The following ABCC8 variants were observed in gnomAD, a reference collection of about 807,000 sequenced individuals.
ABCC8 encodes the protein ATP binding cassette subfamily C member 8, also known as ATP-binding cassette sub-family C member 8.
A neutral mutation model predicts 188.0 loss-of-function variants in ABCC8; 137 were observed. That is an observed-to-expected ratio of 0.73 (90% CI 0.63 to 0.84). The LOEUF is 0.84. Among genes scored for constraint, ABCC8 ranks in the 40% least tolerant of loss-of-function variants. ABCC8 has a pLI of 0.00. For missense variants in ABCC8, 1,750 were observed against 2,072.7 expected (o/e 0.84, Z 3.02); for synonymous variants, 797 against 846.5 (o/e 0.94, Z 1.01).
At chr11:17,434,025 C>T (rs200486663) in intron 10 of ABCC8, among the ~76,000 whole-genome samples, 46 of 152,304 alleles carry the variant, frequency 3.0e-4, no homozygotes, top group East Asian at 9.7e-4. Flanking sequence ...GCAGCCATTA[C>T]TGGCTGAGGA....
chr11:17,416,702 T>C (rs1955092565), intron 17 of ABCC8, among the ~76,000 whole-genome samples: 2 of 152,210 alleles, frequency 1.3e-5, no homozygotes, highest in South Asian at 4.1e-4. Context: ...GGCATCTGTT[T>C]GGTACTTTGG....
chr11:17,421,284 A>G (rs1322002167), intron 16 of ABCC8, among the ~76,000 whole-genome samples: 2 of 152,196 alleles, frequency 1.3e-5, no homozygotes, highest in African/African-American at 4.8e-5. Flanking sequence ...TAATTATAAT[A>G]CCATGTGAGG....
intron 10 of ABCC8, among the ~76,000 whole-genome samples, chr11:17,438,450 T>C (rs544418854): frequency 6.6e-6 from 1 of 152,262 alleles, no homozygotes; most frequent in East Asian, 1.9e-4. Flanking sequence ...CTGCTTCCTC[T>C]TTAACATCCA....
chr11:17,469,957 G>T, intron 3 of ABCC8, 144 bp downstream of exon 3: 2 of 1,018,232 alleles, frequency 2.0e-6, no homozygotes, highest in Non-Finnish European at 3.0e-6. Context: ...CAGACTGTAA[G>T]CTCCATGAAG....
At chr11:17,425,516 G>C (rs959124379) in intron 16 of ABCC8, among the ~76,000 whole-genome samples, 15 of 152,010 alleles carry the variant, frequency 9.9e-5, no homozygotes, top group African/African-American at 3.4e-4. Flanking sequence ...ATTCCTAAAT[G>C]AATACTCCAA....
intron 17 of ABCC8, among the ~76,000 whole-genome samples, chr11:17,415,943 C>T (rs1023146771): frequency 1.3e-5 from 2 of 152,166 alleles, no homozygotes; most frequent in African/African-American, 4.8e-5. Flanking sequence ...CCTGGACTGC[C>T]CAAGCTGCTC....
In ABCC8 at chr11:17,406,949, G is replaced by T. The variant is rs1385885251; in HGVS notation, c.3101C>A (p.Ala1034Asp). The change falls in exon 25 of 39, where the codon GCC (alanine) becomes GAC (aspartate). Residue 1034 changes from alanine to aspartate, a missense_variant. Ala to Asp is a moderately radical substitution (Grantham distance 126). Transcript: ENST00000389817. The part of the protein sequence containing the change: ...MVLVAIDYWL[A>D]KWTDSALTLT... ...GGTCAGGGCGCTGTCGGTCCACTTG[G>T]CCAGCCAGTAGTCGATGGCCACCAG... 3 of 1,614,064 alleles carry T rather than the reference G, an allele frequency of 1.9e-6. No homozygotes were observed. Among genetic ancestry groups the T allele is most frequent in the Non-Finnish European group, 8.5e-7 (1 of 1,180,038 alleles).
chr11:17,402,882 C>T, intron 28 of ABCC8, 129 bp from the exon 29 acceptor site: 1 of 1,163,426 alleles, frequency 8.6e-7, no homozygotes, highest in African/African-American at 1.5e-5. Context: ...CAGCTTCTTA[C>T]CCCGTGAAGG....
rs184033798 is a variant in ABCC8 at position 17,450,565 on chromosome 11, T to G, written c.1177-1894A>C. 1.5e-4 allele frequency among the ~76,000 whole-genome samples: 22 copies of G among 146,138 alleles called. No individual in the cohort carries two copies. The Admixed American group carries it at 1.5e-3, about 10-fold the overall frequency. The stretch of plus-strand genomic sequence containing the variant: ...ACCCGCCACCATGCCTGGCTAATTT[T>G]TTTTTGTATTTTTAGTAGAGACGGG... On this transcript the variant is annotated intron_variant, in intron 7 of 38. Coordinates refer to ENST00000389817, the MANE Select transcript of ABCC8 (RefSeq NM_000352.6).
chr11:17,410,521 C>G lies in ABCC8; in HGVS notation c.2689G>C (p.Asp897His). Residue 897 changes from aspartate to histidine, a missense_variant, in exon 22 of 39, where the codon GAC becomes CAC. By Grantham distance (81) the Asp-to-His change is moderately conservative. Coordinates refer to ENST00000389817, the MANE Select transcript of ABCC8 (RefSeq NM_000352.6). ...ACCCCCTTGTTCCCCCTCACCCAGT[C>G]TGCATGGGGCAGGTACTGTAGCTTG... ...THKLQYLPHADWIIAMKDGTI... is the reference protein window; with the variant it reads ...THKLQYLPHAHWIIAMKDGTI... The G allele has an allele frequency of 6.2e-7, 1 of 1,614,198 alleles. No individual in the cohort carries two copies.
chr11:17,432,473 G>A, intron 10 of ABCC8: 1 of 825,214 alleles, frequency 1.2e-6, no homozygotes, highest in Non-Finnish European at 1.8e-6. Context: ...GGCTTAAACT[G>A]TTAAGTCACT....
intron 33 of ABCC8, chr11:17,396,632 GGGA>G: frequency 2.1e-6 from 1 of 475,630 alleles, no homozygotes; most frequent in South Asian, 2.1e-5. Flanking sequence ...TTCGCAGAGA[GGGA>G]GGCCCTGACA....
At chr11:17,435,938 C>A (rs1321657014) in intron 10 of ABCC8, 3 of 1,551,522 alleles carry the variant, frequency 1.9e-6, no homozygotes, top group Admixed American at 1.7e-5. Context: ...AAAAGAGAGA[C>A]CCCTGCACTC....
rs137852676 is a variant in ABCC8, at chr11:17,395,852, C to T, written c.4198G>A (p.Gly1400Arg). 95 of 1,577,772 alleles carry T rather than the reference C, an allele frequency of 6.0e-5. No homozygotes were observed. The highest frequency in any genetic ancestry group is 7.4e-5 in the Non-Finnish European group (86 of 1,160,666). The change falls in exon 34 of 39, where the codon GGG becomes AGG. Residue 1400 changes from glycine to arginine, a missense_variant and splice_region_variant. By Grantham distance (125) the Gly-to-Arg change is moderately radical. Coordinates refer to ENST00000389817, the MANE Select transcript of ABCC8 (RefSeq NM_000352.6). Reference sequence around the variant, plus strand: ...GTGGGGTGCCCGCCTTACAACTCACCTTCGAACGTGTCCACCATGCGGAAG... The same window carrying T: ...GTGGGGTGCCCGCCTTACAACTCACTTTCGAACGTGTCCACCATGCGGAAG... The part of the protein sequence containing the change: ...AFFRMVDTFE[G>R]HIIIDGIDIA...
At chr11:17,393,640 C>T (rs1953745092) in intron 38 of ABCC8, 57 bp downstream of exon 38, 2 of 1,612,340 alleles carry the variant, frequency 1.2e-6, no homozygotes, top group Non-Finnish European at 1.7e-6. Flanking sequence ...ATGACGGCCA[C>T]AACAGGCCAG....
At chr11:17,398,893 C>T (rs1002435097) in intron 29 of ABCC8, 3 of 264,038 alleles carry the variant, frequency 1.1e-5, no homozygotes, top group Non-Finnish European at 2.2e-5. Flanking sequence ...CCTGCTGTCT[C>T]CCTACAGTCC....
intron 16 of ABCC8, among the ~76,000 whole-genome samples, chr11:17,425,418 T>C (rs1041559217): frequency 2.0e-5 from 3 of 152,242 alleles, no homozygotes; most frequent in Non-Finnish European, 2.9e-5. Flanking sequence ...GTACTCATGC[T>C]TATGAAAAAC....
At chr11:17,414,452 C>A in intron 19 of ABCC8, 60 bp downstream of exon 19, 1 of 1,601,580 alleles carries the variant, frequency 6.2e-7, no homozygotes, top group Admixed American at 1.7e-5. Context: ...GGAACTGGGG[C>A]AGGCTGGCCA....
Position 17,410,615 on chromosome 11 carries a change from G to T in ABCC8, c.2595C>A (p.Asp865Glu). 6.2e-7 allele frequency: 1 copy of T among 1,614,122 alleles called. No individual in the cohort carries two copies. Among genetic ancestry groups the T allele is most frequent in the Non-Finnish European group, 8.5e-7 (1 of 1,180,022 alleles). The change falls in exon 22 of 39, where the codon GAC (aspartate) becomes GAA (glutamate). Residue 865 changes from aspartate (D) to glutamate (E), a missense_variant. Asp to Glu is a conservative substitution (Grantham distance 45). Coordinates refer to ENST00000389817, the MANE Select transcript of ABCC8 (RefSeq NM_000352.6). The part of the protein sequence containing the change: ...PFSALDIHLS[D>E]HLMQAGILEL... ...CAAGGATGCCGGCCTGCATTAAGTG[G>T]TCACTCAGATGGATATCCAGAGCTG...
Sources: allele counts gnomAD v4.1 joint callset (sites outside exome capture counted in the v4.1 genomes callset), GRCh38; gene constraint gnomAD v4.1.1; transcripts MANE v1.5; gene names NCBI Gene and HGNC (gene_info 2026-07-23, HGNC 2026-07-21).